The following RASGEF1A variants were observed in gnomAD, a reference collection of about 807,000 sequenced individuals.
RASGEF1A encodes the protein RasGEF domain family member 1A.
Under a neutral mutation model 56.4 loss-of-function variants are expected in RASGEF1A, and 18 were observed. That is an observed-to-expected ratio of 0.32 (90% CI 0.22 to 0.47). The LOEUF (loss-of-function observed/expected upper bound fraction) is 0.47, where lower values mean the gene tolerates loss of function less well. Ranked by LOEUF, RASGEF1A falls within the 20% of genes least tolerant of loss-of-function variation. The pLI is 1.00. For missense variants in RASGEF1A, 422 were observed against 627.1 expected, an observed-to-expected ratio of 0.67 and a Z score of 3.49; for synonymous variants, 245 against 242.6, an observed-to-expected ratio of 1.01 and a Z score of -0.09.
At chr10:43,231,784 C>T (rs147462379) in intron 1 of RASGEF1A, among the ~76,000 whole-genome samples, 1 of 152,244 alleles carries the variant, frequency 6.6e-6, no homozygotes, top group Non-Finnish European at 1.5e-5. Flanking sequence ...CCCTGCCAGG[C>T]GTCCTGCTTG....
At chr10:43,254,742 CGGGTCTCTGT>C (rs1186087813) in intron 1 of RASGEF1A, among the ~76,000 whole-genome samples, 3 of 152,142 alleles carry the variant, frequency 2.0e-5, no homozygotes, top group Non-Finnish European at 4.4e-5. Flanking sequence ...AGAGGTAAAA[CGGGTCTCTGT>C]GGGATGAGCT....
intron 1 of RASGEF1A, among the ~76,000 whole-genome samples, chr10:43,216,294 T>C (rs2133198606): frequency 6.6e-6 from 1 of 152,200 alleles, no homozygotes; most frequent in East Asian, 1.9e-4. Context: ...CCTGCCCCAC[T>C]CTGTGAGGGT....
intron 1 of RASGEF1A, among the ~76,000 whole-genome samples, chr10:43,229,143 CCA>C (rs2133208681): frequency 6.6e-6 from 1 of 152,358 alleles, no homozygotes; most frequent in South Asian, 2.1e-4. Flanking sequence ...ACGGTGGGCT[CCA>C]CTCTCCCTAA....
At chr10:43,225,947 G>A (rs1588941040) in intron 1 of RASGEF1A, among the ~76,000 whole-genome samples, 4 of 152,322 alleles carry the variant, frequency 2.6e-5, no homozygotes, top group Admixed American at 2.6e-4. Context: ...AGGGGTGGCT[G>A]GCGGCAGTCA....
At chr10:43,221,427 C>T (rs1286028808) in intron 1 of RASGEF1A, among the ~76,000 whole-genome samples, 1 of 152,236 alleles carries the variant, frequency 6.6e-6, no homozygotes, top group African/African-American at 2.4e-5. Context: ...TGCTGCTCCC[C>T]CCTTCTCCAG....
chr10:43,208,301 G>A (rs1840023781), intron 1 of RASGEF1A: 1 of 985,678 alleles, frequency 1.0e-6, no homozygotes, highest in Middle Eastern at 5.2e-4. Flanking sequence ...GAGGTAGTAT[G>A]TGGGGGATGC....
At chr10:43,238,653 T>G (rs865971226) in intron 1 of RASGEF1A, among the ~76,000 whole-genome samples, 3 of 152,138 alleles carry the variant, frequency 2.0e-5, no homozygotes, top group Non-Finnish European at 2.9e-5. Context: ...GGAGAGGCTG[T>G]CTGTGATGGG....
In RASGEF1A at chr10:43,207,936, A is replaced by C. The variant is rs1056527047; in HGVS notation, c.-6-1814T>G. On this transcript the variant is annotated intron_variant, in intron 1 of 12. Coordinates refer to ENST00000395810, the MANE Select transcript of RASGEF1A (RefSeq NM_145313.4). ...AGCCTAGGTGTCACCACCTCCAGGA[A>C]GCCTCCCTGGGTTTAACCTAGACTG... 5.5e-6 allele frequency: 4 copies of C among 724,366 alleles called. No homozygotes were observed. The African/African-American group carries it at 7.7e-5, about 14-fold the overall frequency. The allele number at this position is 724,366 out of a possible 1,614,324, so 44.9% of individuals were successfully genotyped here.
intron 1 of RASGEF1A, among the ~76,000 whole-genome samples, chr10:43,248,452 C>T (rs1293133978): frequency 1.3e-5 from 2 of 150,474 alleles, no homozygotes; most frequent in African/African-American, 4.9e-5. Context: ...AAATCATGCA[C>T]TTTAAAAGGG....
At chr10:43,206,161 CCTCCACAG>C in intron 1 of RASGEF1A, 39 bp from the exon 2 acceptor site, 1 of 1,502,286 alleles carries the variant, frequency 6.7e-7, no homozygotes, top group Non-Finnish European at 9.0e-7. Flanking sequence ...ATCAAAGGCG[CCTCCACAG>C]CTCCACAGAC....
At chr10:43,210,932 T>A (rs11238474) in intron 1 of RASGEF1A, among the ~76,000 whole-genome samples, 1 of 55,190 alleles carries the variant, frequency 1.8e-5, no homozygotes, top group African/African-American at 6.5e-5. Context: ...TGCAGGGAGT[T>A]GGGGACAGGC....
intron 3 of RASGEF1A, among the ~76,000 whole-genome samples, chr10:43,202,376 C>A (rs1403537720): frequency 3.9e-5 from 6 of 152,196 alleles, no homozygotes; most frequent in Admixed American, 2.6e-4. Flanking sequence ...CGACGCGCTC[C>A]CGCGCCCTAG....
At chr10:43,249,638 A>AGCT in intron 1 of RASGEF1A, among the ~76,000 whole-genome samples, 1 of 152,312 alleles carries the variant, frequency 6.6e-6, no homozygotes, top group Non-Finnish European at 1.5e-5. Flanking sequence ...GTCTGCACAC[A>AGCT]GCTCGGGCCA....
chr10:43,230,251 G>A (rs1170839096), intron 1 of RASGEF1A, among the ~76,000 whole-genome samples: 1 of 152,240 alleles, frequency 6.6e-6, no homozygotes, highest in East Asian at 1.9e-4. Flanking sequence ...GCCTGAGACA[G>A]GCGTCGCACA....
At chr10:43,256,085 T>A (rs1488379036) in intron 1 of RASGEF1A, among the ~76,000 whole-genome samples, 1 of 152,160 alleles carries the variant, frequency 6.6e-6, no homozygotes, top group African/African-American at 2.4e-5. Flanking sequence ...GGGGGAGCAC[T>A]GTGCAGGAGG....
intron 1 of RASGEF1A, among the ~76,000 whole-genome samples, chr10:43,252,986 C>T (rs912430636): frequency 5.9e-5 from 9 of 152,208 alleles, no homozygotes; most frequent in Non-Finnish European, 1.2e-4. Context: ...CACCCCACGC[C>T]TTCAGGACCA....
At chr10:43,257,251 T>A (rs1236412666) in intron 1 of RASGEF1A, among the ~76,000 whole-genome samples, 1 of 152,226 alleles carries the variant, frequency 6.6e-6, no homozygotes, top group Non-Finnish European at 1.5e-5. Flanking sequence ...CTTCTCGTTA[T>A]CAGCACCAGC....
intron 1 of RASGEF1A, among the ~76,000 whole-genome samples, chr10:43,227,292 G>GC (rs951152145): frequency 2.7e-4 from 41 of 152,058 alleles, no homozygotes; most frequent in Non-Finnish European, 4.4e-4. Flanking sequence ...CTGACTGCCT[G>GC]CCCCCCCGAC....
At chr10:43,249,425 A>C (rs951939067) in intron 1 of RASGEF1A, among the ~76,000 whole-genome samples, 77 of 152,198 alleles carry the variant, frequency 5.1e-4, no homozygotes, top group African/African-American at 1.7e-3. Flanking sequence ...TCCTGGGGGA[A>C]GGGGGTTCTG....
Sources: allele counts gnomAD v4.1 joint callset (sites outside exome capture counted in the v4.1 genomes callset), GRCh38; gene constraint gnomAD v4.1.1; transcripts MANE v1.5; gene names NCBI Gene and HGNC (gene_info 2026-07-23, HGNC 2026-07-21).